CWC22: variants seen among roughly 807,000 people sequenced by gnomAD.
The protein encoded by CWC22 is pre-mRNA-splicing factor CWC22 homolog.
CWC22 carries 53 observed loss-of-function variants against 117.2 expected under a neutral mutation model. That is an observed-to-expected ratio of 0.45 (90% confidence interval 0.36 to 0.57). The LOEUF (loss-of-function observed/expected upper bound fraction) is 0.57. Among genes scored for constraint, CWC22 ranks in the 20% least tolerant of loss-of-function variants. The probability of loss-of-function intolerance (pLI) is 0.00; values close to 1 mark genes in which losing one functional copy is unlikely to be tolerated. For synonymous variants in CWC22, 360 were observed against 355.6 expected (o/e 1.01, Z -0.14); for missense variants, 980 against 1,068.8 (o/e 0.92, Z 1.16).
intron 11 of CWC22, among the ~76,000 whole-genome samples, chr2:179,969,095 G>C (rs1686967106): frequency 6.6e-6 from 1 of 152,104 alleles, no homozygotes; most frequent in African/African-American, 2.4e-5. Context: ...TATAATAAAA[G>C]AAAGTACTAC....
At position 179,973,236 on chromosome 2, in the gene CWC22, A is replaced by T; in HGVS notation, c.761T>A (p.Leu254Gln). 6.2e-7 allele frequency: 1 copy of T among 1,600,030 alleles called. No homozygotes were observed. The highest frequency in any genetic ancestry group is 8.5e-7 in the Non-Finnish European group (1 of 1,172,342). The change falls in exon 8 of 20, where the codon CTG (leucine) becomes CAG (glutamine). Residue 254 changes from leucine to glutamine, a missense_variant. This residue lies in a region of CWC22 where 559 missense variants were observed against 602.3 expected (regional missense o/e 0.93). Coordinates refer to ENST00000410053, the MANE Select transcript of CWC22 (RefSeq NM_020943.3). ...ATGCGCCACAAATTTTGAAGCAGTC[A>T]GGCAAAGTTGCTGAAAAATAAAGGT... ...GYRRNDKQLC[L>Q]TASKFVAHLI... is the part of the protein sequence containing the mutation.
At chr2:179,955,170 A>T (rs994032209) in intron 14 of CWC22, 136 bp from the exon 15 acceptor site, 1 of 644,782 alleles carries the variant, frequency 1.6e-6, no homozygotes, top group African/African-American at 1.8e-5. Flanking sequence ...TAAATAAAAT[A>T]AAAACCTCAA....
At chr2:179,979,913 T>C (rs1283968506) in intron 5 of CWC22, among the ~76,000 whole-genome samples, 1 of 152,188 alleles carries the variant, frequency 6.6e-6, no homozygotes, top group African/African-American at 2.4e-5. Context: ...ACAATTCACG[T>C]ATCTACTGAA....
At chr2:179,975,328 C>G (rs866279095) in intron 6 of CWC22, among the ~76,000 whole-genome samples, 14 of 152,114 alleles carry the variant, frequency 9.2e-5, no homozygotes, top group African/African-American at 3.1e-4. Flanking sequence ...GAACCCATAG[C>G]TAATATACTC....
At chr2:179,952,231 C>A (rs1686469015) in intron 17 of CWC22, among the ~76,000 whole-genome samples, 1 of 152,006 alleles carries the variant, frequency 6.6e-6, no homozygotes, top group Non-Finnish European at 1.5e-5. Context: ...AAAAACAATT[C>A]TGTATTTTCT....
Position 180,007,258 on chromosome 2 carries a change from C to T in CWC22, c.-505G>A, listed in dbSNP as rs1369623491. 6.6e-6 allele frequency: 1 copy of T among 152,248 alleles called. No homozygotes were observed. Among genetic ancestry groups the T allele is most frequent in the Admixed American group, 6.5e-5 (1 of 15,292 alleles). 9.4% of individuals were successfully genotyped at this position (152,248 alleles called of 1,614,324 possible). A position where few individuals can be genotyped will look rare whatever the true frequency, so the allele number is the denominator to read the frequency against. Reference sequence around the variant, plus strand: ...AGAGTCAAAGTAGTCGATCCAGGCACACTGTCTTGTTGCCAAAATGGCGAC... The same window carrying T: ...AGAGTCAAAGTAGTCGATCCAGGCATACTGTCTTGTTGCCAAAATGGCGAC... On this transcript the variant is annotated 5_prime_UTR_variant, in exon 1 of 20. In the 5' UTR this introduces an upstream ATG that the reference lacks. Transcript: ENST00000410053.
intron 5 of CWC22, among the ~76,000 whole-genome samples, chr2:179,979,838 C>T (rs780444993): frequency 1.1e-4 from 17 of 152,072 alleles, no homozygotes; most frequent in African/African-American, 4.1e-4. Flanking sequence ...ACAATCACAA[C>T]CTATCTTATT....
At position 179,965,965 on chromosome 2, in the gene CWC22, C is replaced by G. The variant is rs766451404; in HGVS notation, c.1228G>C (p.Asp410His). The change falls in exon 12 of 20, where the codon GAT (aspartate) becomes CAT (histidine). Residue 410 changes from aspartate to histidine, a missense_variant. Around this residue, in one of 3 missense-constraint regions of CWC22, gnomAD observed 559 missense variants for 602.3 expected, o/e 0.93. Transcript: ENST00000410053. Reference sequence around the variant, plus strand: ...TCCTGGTCTGTGTTCGAGTCAGTATCTCCCTCATCAAGAATTTCTGTAAAG... The same window carrying G: ...TCCTGGTCTGTGTTCGAGTCAGTATGTCCCTCATCAAGAATTTCTGTAAAG... ...AIKKEILDEGDTDSNTDQDAG... is the reference protein window; with the variant it reads ...AIKKEILDEGHTDSNTDQDAG... 1 of 1,610,966 alleles carries G rather than the reference C, an allele frequency of 6.2e-7. No individual in the cohort carries two copies. Among genetic ancestry groups the G allele is most frequent in the Admixed American group, 1.7e-5 (1 of 59,830 alleles).
intron 11 of CWC22, among the ~76,000 whole-genome samples, chr2:179,970,134 C>G (rs1559290267): frequency 6.6e-6 from 1 of 152,110 alleles, no homozygotes; most frequent in Non-Finnish European, 1.5e-5. Flanking sequence ...TAAAGTATAG[C>G]ACTTTACAAT....
intron 15 of CWC22, among the ~76,000 whole-genome samples, chr2:179,954,697 C>T (rs1000353275): frequency 6.6e-6 from 1 of 151,978 alleles, no homozygotes; most frequent in African/African-American, 2.4e-5. Context: ...ACAGCATTTA[C>T]TTGTCGTCTA....
intron 14 of CWC22, among the ~76,000 whole-genome samples, chr2:179,955,859 T>C (rs1043057426): frequency 5.9e-5 from 9 of 151,914 alleles, no homozygotes; most frequent in African/African-American, 2.2e-4. Context: ...AGCAATGTCA[T>C]AGATGAAAAA....
intron 2 of CWC22, among the ~76,000 whole-genome samples, chr2:179,990,854 T>A (rs1165044924): frequency 6.6e-6 from 1 of 152,080 alleles, no homozygotes; most frequent in African/African-American, 2.4e-5. Flanking sequence ...CAGGAGATCT[T>A]GAGTAGGAAA....
intron 6 of CWC22, among the ~76,000 whole-genome samples, chr2:179,976,325 A>C (rs1164307444): frequency 1.3e-5 from 2 of 152,192 alleles, no homozygotes; most frequent in Non-Finnish European, 2.9e-5. Context: ...GAAAAATACA[A>C]AGGAAAAGCT....
intron 12 of CWC22, among the ~76,000 whole-genome samples, chr2:179,965,661 T>C (rs1030784472): frequency 6.6e-6 from 1 of 152,240 alleles, no homozygotes; most frequent in Non-Finnish European, 1.5e-5. Context: ...TTCTCAGTCT[T>C]GGCAATACTG....
chr2:179,951,182 C>T (rs990702140), intron 17 of CWC22, among the ~76,000 whole-genome samples: 3 of 151,622 alleles, frequency 2.0e-5, no homozygotes, highest in African/African-American at 7.3e-5. Context: ...TACACACACA[C>T]ATATAGAAAG....
At chr2:179,978,781 A>G (rs1160714659) in intron 5 of CWC22, among the ~76,000 whole-genome samples, 1 of 152,196 alleles carries the variant, frequency 6.6e-6, no homozygotes, top group East Asian at 1.9e-4. Context: ...AAGATGACAG[A>G]GACAACAAAA....
chr2:179,960,434 A>G (rs1686722054), intron 13 of CWC22, among the ~76,000 whole-genome samples: 1 of 152,038 alleles, frequency 6.6e-6, no homozygotes, highest in African/African-American at 2.4e-5. Context: ...AATGAGGACA[A>G]AGAAATAAAA....
Position 179,956,384 on chromosome 2 carries a change from T to C in CWC22, c.1459-1350A>G, listed in dbSNP as rs1200723380. 4.0e-5 allele frequency among the ~76,000 whole-genome samples: 6 copies of C among 151,516 alleles called. No homozygotes were observed. The East Asian group carries it at 1.2e-3, about 29-fold the overall frequency. On this transcript the variant is annotated intron_variant, in intron 14 of 19. Coordinates refer to ENST00000410053, the MANE Select transcript of CWC22 (RefSeq NM_020943.3). ...TTCTTCAGCCACATTACTAGTCATA[T>C]TTCAAGTACTCAAAAGCCACATGTG...
intron 8 of CWC22, among the ~76,000 whole-genome samples, chr2:179,972,239 C>A (rs750273493): frequency 6.6e-6 from 1 of 152,018 alleles, no homozygotes; most frequent in Non-Finnish European, 1.5e-5. Context: ...CTTTAAAATT[C>A]TTCCTGTTAT....
Sources: gnomAD v4.1 joint callset for allele counts (sites outside exome capture counted in the v4.1 genomes callset) on GRCh38, gnomAD v4.1.1 for gene constraint, gnomAD v4.1.1 regional missense constraint, MANE v1.5 for transcripts, NCBI Gene and HGNC (gene_info 2026-07-23, HGNC 2026-07-21) for gene names.